The following ALDH3B2 variants were observed in gnomAD, a reference collection of about 807,000 sequenced individuals.
The protein encoded by ALDH3B2 is aldehyde dehydrogenase family 3 member B2.
A neutral mutation model predicts 36.7 loss-of-function variants in ALDH3B2; 45 were observed. The ratio of observed to expected loss-of-function variants is 1.23; its 90% CI spans 0.97 to 1.57. The LOEUF is 1.57. Ranked by LOEUF, ALDH3B2 falls within the 40% of genes most tolerant of loss-of-function variation. ALDH3B2 has a pLI of 0.00. For missense variants in ALDH3B2, 464 were observed against 513.3 expected (o/e 0.90, Z 0.93); for synonymous variants, 217 against 226.5 (o/e 0.96, Z 0.38).
At chr11:67,664,177 G>A (rs144904793) in intron 8 of ALDH3B2, 13 of 695,796 alleles carry the variant, frequency 1.9e-5, no homozygotes, top group Non-Finnish European at 3.1e-5. Context: ...GCTCTGGCCA[G>A]GACAGAGGAT....
At chr11:67,664,638 AG>A in intron 7 of ALDH3B2, 76 bp from the exon 8 acceptor site, 1 of 1,566,874 alleles carries the variant, frequency 6.4e-7, no homozygotes, top group Admixed American at 1.8e-5. Flanking sequence ...AGGTGGGGAC[AG>A]GGGCATGGGC....
At chr11:67,664,017 C>T (rs566706587) in intron 8 of ALDH3B2, among the ~76,000 whole-genome samples, 13 of 152,158 alleles carry the variant, frequency 8.5e-5, no homozygotes, top group Non-Finnish European at 1.6e-4. Flanking sequence ...CCTTGAGTCG[C>T]GACGGTGAGG....
exon 4 of ALDH3B2, chr11:67,666,677 C>G (rs74761791): frequency 6.2e-7 from 1 of 1,614,122 alleles, no homozygotes; most frequent in Non-Finnish European, 8.5e-7. Context: ...AGATGAAGAC[C>G]GAGTCCAGCT....
At chr11:67,671,477 AC>A (rs1247386136) in intron 1 of ALDH3B2, among the ~76,000 whole-genome samples, 3 of 150,212 alleles carry the variant, frequency 2.0e-5, no homozygotes, top group Admixed American at 6.6e-5. Context: ...AATATCTTGG[AC>A]CCCCAAAATC....
chr11:67,678,271 G>T, upstream of ALDH3B2, among the ~76,000 whole-genome samples: 1 of 152,072 alleles, frequency 6.6e-6, no homozygotes, highest in South Asian at 2.1e-4. Flanking sequence ...GTAAAACTAG[G>T]CACACAGACC....
chr11:67,675,370 T>A (rs1169998216), upstream of ALDH3B2, among the ~76,000 whole-genome samples: 2 of 152,190 alleles, frequency 1.3e-5, no homozygotes, highest in Non-Finnish European at 2.9e-5. Context: ...TGCCCCTCAA[T>A]GTTGCCCGCT....
intron 1 of ALDH3B2, among the ~76,000 whole-genome samples, chr11:67,669,874 G>A (rs1856043973): frequency 6.8e-6 from 1 of 146,622 alleles, no homozygotes; most frequent in Non-Finnish European, 1.5e-5. Flanking sequence ...GTCTGTGTGT[G>A]TATGGGTGTC....
upstream of ALDH3B2, among the ~76,000 whole-genome samples, chr11:67,678,982 G>A (rs373807900): frequency 1.3e-5 from 2 of 152,024 alleles, no homozygotes; most frequent in African/African-American, 4.8e-5. Flanking sequence ...CTATGAGGAC[G>A]CAAAGCATAA....
At chr11:67,672,093 G>GTATT (rs1856137716) in intron 1 of ALDH3B2, among the ~76,000 whole-genome samples, 1 of 86,174 alleles carries the variant, frequency 1.2e-5, no homozygotes, top group African/African-American at 5.2e-5. Flanking sequence ...ATATATGTAT[G>GTATT]TATGTATTTT....
chr11:67,670,437 GC>G (rs1206817150), intron 1 of ALDH3B2, among the ~76,000 whole-genome samples: 2 of 152,104 alleles, frequency 1.3e-5, no homozygotes, highest in Non-Finnish European at 2.9e-5. Flanking sequence ...GCCCAGGGCT[GC>G]TGCCTCAGAC....
Position 67,663,634 on chromosome 11 carries a change from C to T in ALDH3B2, c.973+28G>A. 4 of 1,594,226 alleles carry T rather than the reference C, an allele frequency of 2.5e-6. No individual in the cohort carries two copies. The South Asian group carries it at 4.5e-5, about 18-fold the overall frequency. On this transcript the variant is annotated intron_variant, in intron 9 of 9. Coordinates refer to ENST00000349015, the Ensembl canonical transcript of ALDH3B2. ...TCTGGGGTACCAAAGCCAAGCTTCC[C>T]TAGGGGTGGAAATGGGCAGGGACCC...
At chr11:67,672,983 T>C (rs1200200294) in intron 1 of ALDH3B2, among the ~76,000 whole-genome samples, 1 of 146,906 alleles carries the variant, frequency 6.8e-6, no homozygotes, top group Non-Finnish European at 1.5e-5. Context: ...CAGGCTGGAG[T>C]GCAGTGGTGC....
At chr11:67,663,595 AG>A in intron 9 of ALDH3B2, 66 bp downstream of exon 9, 1 of 1,487,128 alleles carries the variant, frequency 6.7e-7, no homozygotes, top group South Asian at 1.2e-5. Flanking sequence ...CAGTGAGTGA[AG>A]GGACTTCCTG....
chr11:67,666,018 C>T lies in ALDH3B2; in HGVS notation c.319+104G>A, dbSNP rs188738504. The stretch of plus-strand genomic sequence containing the variant: ...ACTCTGTGCCAGCTCCAGCTCCCCA[C>T]GTGCCCCCACTGCTGGCCCCAGCCT... On this transcript the variant is annotated intron_variant, in intron 6 of 9. Transcript: ENST00000349015. 7.4e-5 allele frequency: 104 copies of T among 1,406,000 alleles called. No homozygotes were observed. The African/African-American group carries it at 1.2e-3, about 16-fold the overall frequency. 87.1% of individuals were successfully genotyped at this position (1,406,000 alleles called of 1,614,324 possible).
chr11:67,670,408 C>T (rs1871031), intron 1 of ALDH3B2, among the ~76,000 whole-genome samples: 109,826 of 151,900 alleles, frequency 0.72, 41,794 homozygotes, highest in South Asian at 0.9. Context: ...CAGCCCTCAG[C>T]TGCAGGTCAC....
intron 1 of ALDH3B2, among the ~76,000 whole-genome samples, chr11:67,671,540 TCCC>T (rs56238526): frequency 0.035 from 5,057 of 144,884 alleles, 296 homozygotes; most frequent in African/African-American, 0.1. Flanking sequence ...CCAACCTGCC[TCCC>T]CCCCCTTTTT....
intron 7 of ALDH3B2, 30 bp from the exon 8 acceptor site, chr11:67,664,592 GGGCCACAGTCA>G: frequency 6.2e-7 from 1 of 1,610,210 alleles, no homozygotes; most frequent in Non-Finnish European, 8.5e-7. Flanking sequence ...CTCAGCCCTG[GGGCCACAGTCA>G]GGACTGCCCC....
upstream of ALDH3B2, among the ~76,000 whole-genome samples, chr11:67,676,497 C>G (rs1856275182): frequency 6.6e-6 from 1 of 151,798 alleles, no homozygotes; most frequent in Non-Finnish European, 1.5e-5. Flanking sequence ...ATGCCTACAT[C>G]AAAAAGTCTG....
At chr11:67,679,065 T>C (rs1285423067), upstream of ALDH3B2, among the ~76,000 whole-genome samples, 2 of 152,098 alleles carry the variant, frequency 1.3e-5, no homozygotes, top group African/African-American at 4.8e-5. Context: ...ACAACAAGTA[T>C]GGTGCAGTGT....
Sources: gnomAD v4.1 joint callset for allele counts (sites outside exome capture counted in the v4.1 genomes callset) on GRCh38, gnomAD v4.1.1 for gene constraint, MANE v1.5 for transcripts, NCBI Gene and HGNC (gene_info 2026-07-23, HGNC 2026-07-21) for gene names.